CARD14: variants seen among roughly 807,000 people sequenced by gnomAD.
CARD14 encodes caspase recruitment domain-containing protein 14.
In CARD14, 107 loss-of-function variants were observed where a neutral mutation model predicts 111.5. The ratio of observed to expected loss-of-function variants is 0.96; its 90% confidence interval spans 0.82 to 1.13. The LOEUF is 1.13. CARD14 is among the 50% of genes most tolerant of loss of function. The pLI, the probability that CARD14 is intolerant of heterozygous loss-of-function variation, is 0.00. For synonymous variants in CARD14, 617 were observed against 579.6 expected, an observed-to-expected ratio of 1.06 and a Z score of -0.93; for missense variants, 1,322 against 1,362.3, an observed-to-expected ratio of 0.97 and a Z score of 0.47.
At position 80,189,720 on chromosome 17, in the gene CARD14, C is replaced by G; in HGVS notation, c.844-33C>G. The G allele has an allele frequency of 6.6e-7, 1 of 1,522,202 alleles. No individual in the cohort carries two copies. Among genetic ancestry groups the G allele is most frequent in the Non-Finnish European group, 8.8e-7 (1 of 1,142,400 alleles). The allele number at this position is 1,522,202 out of a possible 1,614,324, so 94.3% of individuals were successfully genotyped here. On this transcript the variant is annotated intron_variant, in intron 8 of 23. Coordinates refer to ENST00000648509, the MANE Select transcript of CARD14 (RefSeq NM_001366385.1). The surrounding 1 kb of genome is among the most constrained non-coding windows in gnomAD (Gnocchi z 4.7). Reference sequence around the variant, plus strand: ...TGCCTAGGGCAGGCCTCTGGGGAAGCCAGCACCCCAGGCTGACCTCTCTCT... The same window carrying G: ...TGCCTAGGGCAGGCCTCTGGGGAAGGCAGCACCCCAGGCTGACCTCTCTCT...
In CARD14 at chr17:80,202,411, A is replaced by G. The variant is rs138579421; in HGVS notation, c.2210A>G (p.Asn737Ser). The G allele has an allele frequency of 3.8e-5, 61 of 1,611,398 alleles. No homozygotes were observed. In the African/African-American group the frequency reaches 6.8e-4, roughly 18 times the overall value. Reference sequence around the variant, plus strand: ...ACTGCCGCGCACGGCACCATCCCCAACTACTCCAGGTGAGCAGCTGCCTCG... The same window carrying G: ...ACTGCCGCGCACGGCACCATCCCCAGCTACTCCAGGTGAGCAGCTGCCTCG... ...KDTAAHGTIP[N>S]YSRAQQQLIA... is the part of the protein sequence containing the mutation. The change falls in exon 18 of 24, where the codon AAC becomes AGC. Residue 737 changes from asparagine to serine, a missense_variant. Coordinates refer to ENST00000648509, the MANE Select transcript of CARD14 (RefSeq NM_001366385.1).
chr17:80,177,575 A>G (rs369994374), intron 2 of CARD14, among the ~76,000 whole-genome samples: 1 of 152,106 alleles, frequency 6.6e-6, no homozygotes, highest in African/African-American at 2.4e-5. Context: ...TGCACCTGTG[A>G]TCCCAGATAC....
At chr17:80,181,881 T>C (rs2040188033) in intron 5 of CARD14, among the ~76,000 whole-genome samples, 1 of 152,200 alleles carries the variant, frequency 6.6e-6, no homozygotes, top group African/African-American at 2.4e-5. Flanking sequence ...TCCAGGTGGA[T>C]GTGTCTTTGA....
chr17:80,188,268 C>A lies in CARD14; in HGVS notation c.676-109C>A. ...TTTTTCAGTCTCGAGGCAGGAAGCC[C>A]CCTGAGTGCTAAAAGCATCATTAGG... On this transcript the variant is annotated intron_variant, in intron 7 of 23. Transcript: ENST00000648509. This position sits in a 1 kb window ranked among gnomAD's most constrained non-coding sequence, Gnocchi z 4.5. The A allele has an allele frequency of 8.6e-7, 1 of 1,159,638 alleles. No individual in the cohort carries two copies. Among genetic ancestry groups the A allele is most frequent in the Non-Finnish European group, 1.2e-6 (1 of 860,254 alleles). 71.8% of individuals were successfully genotyped at this position (1,159,638 alleles called of 1,614,324 possible).
At position 80,202,296 on chromosome 17, in the gene CARD14, T is replaced by G; in HGVS notation, c.2095T>G (p.Cys699Gly). Reference sequence around the variant, plus strand: ...GGCCAAAGGGGAGCTGCAGGTGCATTGCAACGAGGTCCTGCACGTCACCGA... The same window carrying G: ...GGCCAAAGGGGAGCTGCAGGTGCATGGCAACGAGGTCCTGCACGTCACCGA... ...GRAKGELQVHCNEVLHVTDTM... is the reference protein window; with the variant it reads ...GRAKGELQVHGNEVLHVTDTM... The change falls in exon 18 of 24, where the codon TGC becomes GGC. Residue 699 changes from cysteine to glycine, a missense_variant. Physicochemically the swap from Cys to Gly is radical, Grantham distance 159 (BLOSUM62 -3). Transcript: ENST00000648509. 1.2e-6 allele frequency: 2 copies of G among 1,613,766 alleles called. No homozygotes were observed. Among genetic ancestry groups the G allele is most frequent in the Non-Finnish European group, 1.7e-6 (2 of 1,180,008 alleles).
At chr17:80,180,159 A>C (rs1343974533) in intron 4 of CARD14, among the ~76,000 whole-genome samples, 1 of 152,230 alleles carries the variant, frequency 6.6e-6, no homozygotes, top group African/African-American at 2.4e-5. Context: ...CTGGGATGGG[A>C]GGCTGGGCAG....
chr17:80,195,260 C>T lies in CARD14; in HGVS notation c.1426C>T (p.Pro476Ser), dbSNP rs762798473. Residue 476 changes from proline to serine, a missense_variant, in exon 13 of 24, where the codon CCC (proline) becomes TCC (serine). Transcript: ENST00000648509. This position sits in a 1 kb window ranked among gnomAD's most constrained non-coding sequence, Gnocchi z 4.7. ...ELVDSFRSSS[P>S]APPSQQSLYK... ...GGTGGACAGCTTCCGCTCCAGCAGC[C>T]CCGCGCCCCCCAGCCAGCAGTCCCT... is the stretch of plus-strand genomic sequence containing the variant. 7.4e-6 allele frequency: 12 copies of T among 1,612,592 alleles called. No individual in the cohort carries two copies. The South Asian group carries it at 1.2e-4, about 16-fold the overall frequency.
Position 80,205,536 on chromosome 17 carries a change from T to C in CARD14, c.2575T>C (p.Leu859=). 6.3e-7 allele frequency: 1 copy of C among 1,586,274 alleles called. No individual in the cohort carries two copies. The highest frequency in any genetic ancestry group is 8.6e-7 in the Non-Finnish European group (1 of 1,165,606). The part of the protein sequence containing the change: ...QGFKKCLAEY[L]SQEEYEAWSQ... ...CCGTCCAATGTCACCTGTAGAGTACTTGAGCCAGGAGGAGTATGAGGCCTG... is the reference window on the plus strand; with the variant it reads ...CCGTCCAATGTCACCTGTAGAGTACCTGAGCCAGGAGGAGTATGAGGCCTG... The change falls in exon 22 of 24, where the codon TTG becomes CTG. Residue 859 remains leucine (L), a synonymous_variant. Coordinates refer to ENST00000648509, the MANE Select transcript of CARD14 (RefSeq NM_001366385.1).
rs764504043 is a variant in CARD14, at chr17:80,198,101, C to T, written c.1597C>T (p.Leu533Phe). The part of the protein sequence containing the change: ...LDYELLDTAD[L>F]PQLESSLQPV... ...GTGAGCTCTTGGCTTCCTCCCAGAC[C>T]TTCCGCAGCTGGAAAGCAGCCTGCA... Residue 533 changes from leucine to phenylalanine, a missense_variant and splice_region_variant, in exon 15 of 24, where the codon CTT (leucine) becomes TTT (phenylalanine). Transcript: ENST00000648509. The surrounding 1 kb of genome is among the most constrained non-coding windows in gnomAD (Gnocchi z 7.5). 4 of 1,613,544 alleles carry T rather than the reference C, an allele frequency of 2.5e-6. No homozygotes were observed. Among genetic ancestry groups the T allele is most frequent in the Non-Finnish European group, 2.5e-6 (3 of 1,179,974 alleles).
In CARD14 at chr17:80,207,103, G is replaced by A. The variant is rs760719493; in HGVS notation, c.2807+18G>A. ...AAGCTCAAGTAGGTGCACGCTGGGG[G>A]CTGGGCAGGGGCTTCGAAGCGGCTC... On this transcript the variant is annotated intron_variant, in intron 23 of 23. Transcript: ENST00000648509. The A allele has an allele frequency of 1.3e-6, 2 of 1,585,594 alleles. No homozygotes were observed.
chr17:80,209,302 A>C lies in CARD14; in HGVS notation c.*957A>C. Reference sequence around the variant, plus strand: ...GAGTTCAGAAAAAGAACTTCTGTATATTTTACTAAAATAAAAAGCTTTTAC... The same window carrying C: ...GAGTTCAGAAAAAGAACTTCTGTATCTTTTACTAAAATAAAAAGCTTTTAC... On this transcript the variant is annotated 3_prime_UTR_variant, in exon 24 of 24. Coordinates refer to ENST00000648509, the MANE Select transcript of CARD14 (RefSeq NM_001366385.1). 1.0e-6 allele frequency: 1 copy of C among 984,934 alleles called. No homozygotes were observed. Among genetic ancestry groups the C allele is most frequent in the Middle Eastern group, 5.2e-4 (1 of 1,914 alleles). The allele number at this position is 984,934 out of a possible 1,614,324, so 61.0% of individuals were successfully genotyped here.
chr17:80,172,435 C>G (rs976174097), intron 1 of CARD14, among the ~76,000 whole-genome samples: 1 of 152,224 alleles, frequency 6.6e-6, no homozygotes, highest in Non-Finnish European at 1.5e-5. Flanking sequence ...GCATCCTAGA[C>G]CAGCCAAGAC....
rs924258093 is a variant in CARD14, at chr17:80,180,577, CT to C, written c.-20-832del. On this transcript the variant is annotated intron_variant, in intron 4 of 23. Transcript: ENST00000648509. ...GCTGCGTAGTTGAAAACAATGGGAA[CT>C]TTTTTTTTTGTTTTTTTAGACAGAG... is the stretch of plus-strand genomic sequence containing the variant. 4.1e-4 allele frequency among the ~76,000 whole-genome samples: 62 copies of C among 150,484 alleles called. No homozygotes were observed. The South Asian group carries it at 6.9e-3, about 17-fold the overall frequency.
At chr17:80,192,411 G>T in intron 11 of CARD14, 92 bp from the exon 12 acceptor site, 1 of 853,726 alleles carries the variant, frequency 1.2e-6, no homozygotes, top group South Asian at 1.6e-5. Flanking sequence ...TGGGGAGGGT[G>T]AAATGGGTGG....
intron 12 of CARD14, among the ~76,000 whole-genome samples, chr17:80,193,506 G>T (rs1877762007): frequency 6.6e-6 from 1 of 152,230 alleles, no homozygotes; most frequent in African/African-American, 2.4e-5. Context: ...TAAAGAGGTG[G>T]TCCCACCATA....
In CARD14 at chr17:80,198,229, G is replaced by A; in HGVS notation, c.1658+67G>A. On this transcript the variant is annotated intron_variant, in intron 15 of 23. Coordinates refer to ENST00000648509, the MANE Select transcript of CARD14 (RefSeq NM_001366385.1). This position sits in a 1 kb window ranked among gnomAD's most constrained non-coding sequence, Gnocchi z 7.5. ...CAGGGCCAGGGAGTGGCAGAGCAGA[G>A]GGTGAGTGTCCTATTACCAATGGGA... is the stretch of plus-strand genomic sequence containing the variant. The A allele has an allele frequency of 2.5e-6, 4 of 1,589,994 alleles. No individual in the cohort carries two copies. Among genetic ancestry groups the A allele is most frequent in the Non-Finnish European group, 3.5e-6 (4 of 1,159,396 alleles).
chr17:80,187,766 C>T (rs548728565), intron 7 of CARD14: 3 of 985,430 alleles, frequency 3.0e-6, no homozygotes, highest in Admixed American at 6.1e-5. Context: ...AGGGCGGGCC[C>T]GTGGCTCGAG....
chr17:80,195,216 C>G lies in CARD14; in HGVS notation c.1382C>G (p.Ala461Gly). 1 of 1,610,282 alleles carries G rather than the reference C, an allele frequency of 6.2e-7. No individual in the cohort carries two copies. The highest frequency in any genetic ancestry group is 1.1e-5 in the South Asian group (1 of 90,940). The change falls in exon 13 of 24, where the codon GCC becomes GGC. Residue 461 changes from alanine (A) to glycine (G), a missense_variant. Transcript: ENST00000648509. The surrounding 1 kb of genome is among the most constrained non-coding windows in gnomAD (Gnocchi z 4.7). Reference protein sequence around the residue: ...TESQLLSDLSATSSRELVDSF... With the variant: ...TESQLLSDLSGTSSRELVDSF... ...TCTCAGCTCTTGTCGGACCTGAGTG[C>G]CACGTCCAGCCGCGAGCTGGTGGAC...
At chr17:80,171,046 G>A (rs140288662) in intron 1 of CARD14, among the ~76,000 whole-genome samples, 1,892 of 151,236 alleles carry the variant, frequency 0.013, 37 homozygotes, top group African/African-American at 0.044. Context: ...TTGTCACGTT[G>A]GCTAGGCTGG....
Sources: allele counts gnomAD v4.1 joint callset (sites outside exome capture counted in the v4.1 genomes callset), GRCh38; gene constraint gnomAD v4.1.1; non-coding constraint Gnocchi (gnomAD v3.1); transcripts MANE v1.5; gene names NCBI Gene and HGNC (gene_info 2026-07-23, HGNC 2026-07-21).